The following BBS12 variants were observed in gnomAD, a reference collection of about 807,000 sequenced individuals.
The protein encoded by BBS12 is chaperonin-containing T-complex member BBS12.
BBS12 carries 5 observed loss-of-function variants against 5.6 expected under a neutral mutation model. That is an observed-to-expected ratio of 0.89 (90% CI 0.46 to 1.86). The LOEUF (loss-of-function observed/expected upper bound fraction) is 1.86. Among genes scored for constraint, BBS12 ranks in the 40% most tolerant of loss-of-function variants. BBS12 has a pLI of 0.01. For synonymous variants in BBS12, 308 were observed against 306.8 expected, an observed-to-expected ratio of 1.00 and a Z score of -0.04; for missense variants, 748 against 830.4, an observed-to-expected ratio of 0.90 and a Z score of 1.22.
chr4:122,710,648 C>T, the BBS12 span, among the ~76,000 whole-genome samples: 1 of 150,794 alleles, frequency 6.6e-6, no homozygotes, highest in African/African-American at 2.4e-5. Context: ...GAAATGGATT[C>T]GTTATGACAC....
At chr4:122,741,191 T>C (rs556286868) in intron 1 of BBS12, among the ~76,000 whole-genome samples, 1 of 152,256 alleles carries the variant, frequency 6.6e-6, no homozygotes, top group Non-Finnish European at 1.5e-5. Context: ...TTTTTTGTTG[T>C]TGTTGTTTTT....
At chr4:122,729,882 G>A (rs531165724), upstream of BBS12, 6 of 152,266 alleles carry the variant, frequency 3.9e-5, no homozygotes, top group Admixed American at 2.6e-4. Context: ...AGGAGGCAGA[G>A]GTTGCATTGA....
the BBS12 span, among the ~76,000 whole-genome samples, chr4:122,712,485 T>C: frequency 6.6e-6 from 1 of 152,144 alleles, no homozygotes; most frequent in Non-Finnish European, 1.5e-5. Context: ...AAGCAGAAAA[T>C]CACTTAATTG....
upstream of BBS12, among the ~76,000 whole-genome samples, chr4:122,727,764 G>T (rs552691491): frequency 6.6e-6 from 1 of 151,916 alleles, no homozygotes; most frequent in South Asian, 2.1e-4. Flanking sequence ...ATGTTGGCCA[G>T]GCTGGTCTCG....
At chr4:122,731,382 T>A (rs1800694109), upstream of BBS12, 1 of 152,190 alleles carries the variant, frequency 6.6e-6, no homozygotes, top group Non-Finnish European at 1.5e-5. Flanking sequence ...CTTCTCCACA[T>A]CATAGTCTTC....
upstream of BBS12, chr4:122,728,642 G>A (rs1023863237): frequency 1.3e-5 from 2 of 152,126 alleles, no homozygotes; most frequent in Non-Finnish European, 2.9e-5. Context: ...GTTTTTCCCT[G>A]GTCTAGAAGA....
intron 1 of BBS12, chr4:122,734,106 A>G (rs115767556): frequency 1.3e-5 from 2 of 152,296 alleles, no homozygotes; most frequent in African/African-American, 2.4e-5. Context: ...GTTTATCCTC[A>G]TATTGCAGGT....
chr4:122,715,277 T>C, the BBS12 span, among the ~76,000 whole-genome samples: 3 of 151,524 alleles, frequency 2.0e-5, no homozygotes, highest in Non-Finnish European at 4.4e-5. Flanking sequence ...TCCTAAACCA[T>C]TCTCATCCAT....
chr4:122,706,487 T>A, the BBS12 span, among the ~76,000 whole-genome samples: 1 of 152,174 alleles, frequency 6.6e-6, no homozygotes, highest in South Asian at 2.1e-4. Context: ...TTCCTAAGAC[T>A]CTTCTTGGGA....
At chr4:122,741,502 A>G (rs1172608881) in intron 1 of BBS12, among the ~76,000 whole-genome samples, 6 of 152,080 alleles carry the variant, frequency 3.9e-5, no homozygotes, top group African/African-American at 1.2e-4. Context: ...TACATTTTTT[A>G]TATTCTCATA....
chr4:122,725,076 C>T, the BBS12 span, among the ~76,000 whole-genome samples: 1 of 152,076 alleles, frequency 6.6e-6, no homozygotes, highest in African/African-American at 2.4e-5. Flanking sequence ...AAAGACAAAG[C>T]ATTGCCATTT....
At chr4:122,711,962 G>A in the BBS12 span, among the ~76,000 whole-genome samples, 1 of 152,200 alleles carries the variant, frequency 6.6e-6, no homozygotes, top group Admixed American at 6.5e-5. Context: ...GGAGAGAGAA[G>A]AAACACATAA....
upstream of BBS12, chr4:122,730,835 T>C (rs930388335): frequency 6.6e-6 from 1 of 152,166 alleles, no homozygotes; most frequent in Non-Finnish European, 1.5e-5. Context: ...GTTCATCATG[T>C]TAAATTTTCC....
At chr4:122,703,300 C>T in the BBS12 span, among the ~76,000 whole-genome samples, 1 of 152,068 alleles carries the variant, frequency 6.6e-6, no homozygotes, top group African/African-American at 2.4e-5. Flanking sequence ...ACTTGGATTG[C>T]CCTGCAGTCT....
chr4:122,723,841 G>T, the BBS12 span, among the ~76,000 whole-genome samples: 1 of 152,114 alleles, frequency 6.6e-6, no homozygotes, highest in African/African-American at 2.4e-5. Flanking sequence ...GTGAACTAAA[G>T]TCCCCATGAT....
At chr4:122,726,399 C>T in the BBS12 span, among the ~76,000 whole-genome samples, 3 of 151,958 alleles carry the variant, frequency 2.0e-5, no homozygotes, top group Admixed American at 6.6e-5. Context: ...GCAACAATGA[C>T]CATAATCAAA....
At chr4:122,734,594 A>G (rs1800758714) in intron 1 of BBS12, among the ~76,000 whole-genome samples, 1 of 152,124 alleles carries the variant, frequency 6.6e-6, no homozygotes, top group Non-Finnish European at 1.5e-5. Flanking sequence ...ACTAATATTA[A>G]AAGGATTTCT....
the BBS12 span, among the ~76,000 whole-genome samples, chr4:122,710,590 A>T: frequency 6.6e-6 from 1 of 152,330 alleles, no homozygotes; most frequent in African/African-American, 2.4e-5. Flanking sequence ...AAAGGCATGG[A>T]TAGACTGACA....
At chr4:122,720,571 AACTT>A in the BBS12 span, among the ~76,000 whole-genome samples, 1 of 152,236 alleles carries the variant, frequency 6.6e-6, no homozygotes, top group Non-Finnish European at 1.5e-5. Flanking sequence ...CAAGCCAGTA[AACTT>A]ACTTAGTTTG....
Sources: gnomAD v4.1 joint callset for allele counts (sites outside exome capture counted in the v4.1 genomes callset) on GRCh38, gnomAD v4.1.1 for gene constraint, MANE v1.5 for transcripts, NCBI Gene and HGNC (gene_info 2026-07-23, HGNC 2026-07-21) for gene names.